Variants in NT5E observed in about 807,000 individuals in gnomAD.
The protein encoded by NT5E is 5'-nucleotidase ecto, also known as 5'-nucleotidase.
NT5E carries 53 observed loss-of-function variants against 55.1 expected under a neutral mutation model. The observed-to-expected ratio is 0.96, with a 90% CI of 0.77 to 1.21. The LOEUF (loss-of-function observed/expected upper bound fraction) is 1.21, where lower values mean the gene tolerates loss of function less well. Among genes scored for constraint, NT5E ranks in the 50% most tolerant of loss-of-function variants. NT5E has a pLI of 0.00. For synonymous variants in NT5E, 270 were observed against 278.4 expected (o/e 0.97, Z 0.30); for missense variants, 683 against 724.3 (o/e 0.94, Z 0.65).
At chr6:85,470,664 A>T (rs1769285849) in intron 2 of NT5E, among the ~76,000 whole-genome samples, 2 of 151,992 alleles carry the variant, frequency 1.3e-5, no homozygotes. Flanking sequence ...CTGGTCTCAA[A>T]CTCCTGGCAT....
chr6:85,462,063 C>A (rs555703371), intron 1 of NT5E, among the ~76,000 whole-genome samples: 1 of 152,190 alleles, frequency 6.6e-6, no homozygotes, highest in Non-Finnish European at 1.5e-5. Flanking sequence ...GCCCTCATGC[C>A]CAGCCAGCTG....
intron 3 of NT5E, among the ~76,000 whole-genome samples, chr6:85,476,206 C>T (rs184214444): frequency 1.1e-3 from 163 of 152,332 alleles, no homozygotes; most frequent in Middle Eastern, 6.8e-3. Context: ...CAGTGACTGA[C>T]ACCTCCACTC....
intron 3 of NT5E, among the ~76,000 whole-genome samples, chr6:85,481,223 A>C (rs1769544247): frequency 6.6e-6 from 1 of 152,236 alleles, no homozygotes; most frequent in Non-Finnish European, 1.5e-5. Flanking sequence ...CTTGAAAGAG[A>C]TACTGGCCCT....
In NT5E at chr6:85,471,295, A is replaced by G; in HGVS notation, c.621A>G (p.Leu207=). The change falls in exon 3 of 9, where the codon TTA becomes TTG. Residue 207 remains leucine, a synonymous_variant. Transcript: ENST00000257770. ...ITALQPEVDK[L]KTLNVNKIIA... ...CATTACAACCTGAAGTAGATAAGTT[A>G]AAAACTCTAAATGTGAACAAAATTA... is the stretch of plus-strand genomic sequence containing the variant. The G allele has an allele frequency of 6.2e-7, 1 of 1,612,422 alleles. No individual in the cohort carries two copies. Among genetic ancestry groups the G allele is most frequent in the Non-Finnish European group, 8.5e-7 (1 of 1,178,854 alleles).
At chr6:85,469,990 T>G (rs925053778) in intron 2 of NT5E, among the ~76,000 whole-genome samples, 2 of 152,242 alleles carry the variant, frequency 1.3e-5, no homozygotes, top group Admixed American at 6.5e-5. Context: ...CTTTTCAAAC[T>G]GGAGTTTGCA....
chr6:85,459,129 T>C (rs1769044488), intron 1 of NT5E, among the ~76,000 whole-genome samples: 1 of 151,986 alleles, frequency 6.6e-6, no homozygotes, highest in Non-Finnish European at 1.5e-5. Flanking sequence ...TGTCTCTCTT[T>C]AAAAAAGAGA....
intron 3 of NT5E, among the ~76,000 whole-genome samples, chr6:85,482,730 A>G (rs1480335909): frequency 3.3e-5 from 5 of 152,246 alleles, no homozygotes; most frequent in Admixed American, 6.5e-5. Context: ...TCAGGTTTCT[A>G]AAGACAGATG....
At chr6:85,465,817 G>A (rs1288685301) in intron 1 of NT5E, among the ~76,000 whole-genome samples, 1 of 152,196 alleles carries the variant, frequency 6.6e-6, no homozygotes, top group Non-Finnish European at 1.5e-5. Context: ...GAAAGATCCT[G>A]CTAACATGCC....
At chr6:85,460,596 A>G (rs1769076675) in intron 1 of NT5E, among the ~76,000 whole-genome samples, 2 of 152,150 alleles carry the variant, frequency 1.3e-5, no homozygotes, top group African/African-American at 4.8e-5. Context: ...GTCACACTGA[A>G]ACTCTGCTGC....
intron 6 of NT5E, among the ~76,000 whole-genome samples, chr6:85,490,172 G>T (rs1356234962): frequency 6.6e-6 from 1 of 152,216 alleles, no homozygotes; most frequent in Admixed American, 6.5e-5. Context: ...ACAGGTTGCA[G>T]GGGCACATTG....
intron 2 of NT5E, among the ~76,000 whole-genome samples, chr6:85,469,450 G>T (rs1769260992): frequency 6.6e-6 from 1 of 152,222 alleles, no homozygotes; most frequent in Admixed American, 6.5e-5. Context: ...TACATATTCA[G>T]TGGGGGAATC....
intron 3 of NT5E, among the ~76,000 whole-genome samples, chr6:85,479,879 C>A (rs1769510357): frequency 1.3e-5 from 2 of 152,102 alleles, no homozygotes; most frequent in Admixed American, 1.3e-4. Context: ...GAAGCCTGTT[C>A]TATAATGTAA....
At position 85,485,172 on chromosome 6, in the gene NT5E, G is replaced by A; in HGVS notation, c.752-63G>A. ...TCTGTCATCCAGCCAGTAGCCCGCT[G>A]GCCTACAGCCAGCCATGTATGTACA... On this transcript the variant is annotated intron_variant, in intron 3 of 8. Transcript: ENST00000257770. The A allele has an allele frequency of 2.0e-6, 3 of 1,525,482 alleles. No homozygotes were observed. The South Asian group carries it at 3.4e-5, about 17-fold the overall frequency. The allele number at this position is 1,525,482 out of a possible 1,614,324, so 94.5% of individuals were successfully genotyped here.
At chr6:85,468,067 T>C (rs1307130991) in intron 2 of NT5E, among the ~76,000 whole-genome samples, 1 of 152,070 alleles carries the variant, frequency 6.6e-6, no homozygotes. Context: ...GTTTCCATAT[T>C]TGAAGAAAAA....
At chr6:85,458,817 C>G (rs892793479) in intron 1 of NT5E, among the ~76,000 whole-genome samples, 2 of 152,150 alleles carry the variant, frequency 1.3e-5, no homozygotes, top group African/African-American at 4.8e-5. Context: ...GTACGTCCCC[C>G]CTCCCCAAAC....
intron 1 of NT5E, among the ~76,000 whole-genome samples, chr6:85,461,230 C>G (rs1769093264): frequency 6.6e-6 from 1 of 152,162 alleles, no homozygotes; most frequent in Non-Finnish European, 1.5e-5. Flanking sequence ...CCCCTTATCC[C>G]ATTGCCCCTG....
chr6:85,454,800 G>A (rs1768955383), intron 1 of NT5E, among the ~76,000 whole-genome samples: 1 of 152,168 alleles, frequency 6.6e-6, no homozygotes, highest in Non-Finnish European at 1.5e-5. Context: ...CCTTTTAAGA[G>A]ATAAATCTAC....
Position 85,471,249 on chromosome 6 carries a change from T to C in NT5E, c.575T>C (p.Val192Ala). Residue 192 changes from valine (V) to alanine (A), a missense_variant, in exon 3 of 9, where the codon GTG becomes GCG. Transcript: ENST00000257770. ...PFLSNPGTNL[V>A]FEDEITALQP... ...TTTTGTTCCTTAGGGACAAATTTAGTGTTTGAAGATGAAATCACTGCATTA... is the reference window on the plus strand; with the variant it reads ...TTTTGTTCCTTAGGGACAAATTTAGCGTTTGAAGATGAAATCACTGCATTA... The C allele has an allele frequency of 6.2e-7, 1 of 1,606,840 alleles. No homozygotes were observed. Among genetic ancestry groups the C allele is most frequent in the Non-Finnish European group, 8.5e-7 (1 of 1,175,484 alleles).
Position 85,494,210 on chromosome 6 carries a change from G to A in NT5E, c.*206G>A, listed in dbSNP as rs963888686. On this transcript the variant is annotated 3_prime_UTR_variant, in exon 9 of 9. Transcript: ENST00000257770. The stretch of plus-strand genomic sequence containing the variant: ...GAGTTAGAAAAAAAATTAACATAGG[G>A]CCCTATAAGGAGAAAGCCAACTATG... The A allele has an allele frequency of 5.2e-6, 3 of 576,452 alleles. No homozygotes were observed. Among genetic ancestry groups the A allele is most frequent in the African/African-American group, 3.7e-5 (2 of 53,616 alleles). 35.7% of individuals were successfully genotyped at this position (576,452 alleles called of 1,614,324 possible). A position where few individuals can be genotyped will look rare whatever the true frequency, so the allele number is the denominator to read the frequency against.
Sources: gnomAD v4.1 joint callset for allele counts (sites outside exome capture counted in the v4.1 genomes callset) on GRCh38, gnomAD v4.1.1 for gene constraint, MANE v1.5 for transcripts, NCBI Gene and HGNC (gene_info 2026-07-23, HGNC 2026-07-21) for gene names.